RGS6: variants seen among roughly 807,000 people sequenced by gnomAD.
RGS6 encodes the protein regulator of G-protein signaling 6.
Under a neutral mutation model 78.5 loss-of-function variants are expected in RGS6, and 30 were observed. The ratio of observed to expected loss-of-function variants is 0.38; its 90% CI spans 0.29 to 0.52. The LOEUF (loss-of-function observed/expected upper bound fraction) is 0.52, where lower values mean the gene tolerates loss of function less well. Ranked by LOEUF, RGS6 falls within the 20% of genes least tolerant of loss-of-function variation. The pLI is 0.85. For missense variants in RGS6, 495 were observed against 609.7 expected (o/e 0.81, Z 1.98); for synonymous variants, 206 against 206.0 (o/e 1.00, Z 0.00).
the RGS6 span, among the ~76,000 whole-genome samples, chr14:71,874,853 G>A: frequency 6.6e-6 from 1 of 152,262 alleles, no homozygotes; most frequent in African/African-American, 2.4e-5. Context: ...TTAGCATGAA[G>A]GGCTGTTGAA....
chr14:72,246,303 G>A (rs949076499), intron 2 of RGS6, among the ~76,000 whole-genome samples: 2 of 152,210 alleles, frequency 1.3e-5, no homozygotes, highest in African/African-American at 4.8e-5. Flanking sequence ...CGTTTAAAAA[G>A]TAGGTTCAAA....
At chr14:72,583,326 T>G in the RGS6 span, among the ~76,000 whole-genome samples, 1 of 152,236 alleles carries the variant, frequency 6.6e-6, no homozygotes, top group African/African-American at 2.4e-5. Context: ...CTCTCTCATA[T>G]ATCTATATCT....
chr14:72,375,332 T>C (rs2084425180), intron 3 of RGS6, among the ~76,000 whole-genome samples: 2 of 152,182 alleles, frequency 1.3e-5, no homozygotes, highest in African/African-American at 4.8e-5. Context: ...TCTAGCTACA[T>C]TGATGTCAAA....
At chr14:72,322,215 TAAA>T (rs1230798811) in intron 2 of RGS6, among the ~76,000 whole-genome samples, 16 of 151,918 alleles carry the variant, frequency 1.1e-4, no homozygotes, top group Non-Finnish European at 1.9e-4. Context: ...GCTATGATAA[TAAA>T]AGCAGAAAAT....
intron 2 of RGS6, among the ~76,000 whole-genome samples, chr14:72,274,232 G>A (rs765452533): frequency 1.2e-4 from 19 of 152,192 alleles, no homozygotes; most frequent in Non-Finnish European, 2.4e-4. Context: ...CATTGGCTCC[G>A]GAAATAGCTT....
intron 2 of RGS6, among the ~76,000 whole-genome samples, chr14:72,186,617 A>G (rs572282219): frequency 5.3e-5 from 8 of 152,006 alleles, no homozygotes; most frequent in Non-Finnish European, 1.0e-4. Context: ...ACTGGGGACA[A>G]TTTGACCTGA....
At chr14:72,626,917 C>G in the RGS6 span, among the ~76,000 whole-genome samples, 1 of 149,910 alleles carries the variant, frequency 6.7e-6, no homozygotes, top group African/African-American at 2.5e-5. Context: ...TTTGTGAGTG[C>G]ATTTGAACTT....
rs980953759 is a variant in RGS6, at chr14:72,463,828, C to T, written c.395-1930C>T. Among the ~76,000 whole-genome samples, 11 of 152,190 alleles carry T rather than the reference C, an allele frequency of 7.2e-5. 1 individual carries two copies. Among genetic ancestry groups the T allele is most frequent in the Admixed American group, 6.5e-4 (10 of 15,282 alleles). On this transcript the variant is annotated intron_variant, in intron 6 of 17. Coordinates refer to ENST00000553525, the MANE Select transcript of RGS6 (RefSeq NM_001204424.2). The stretch of plus-strand genomic sequence containing the variant: ...GGGGTCCAAGAGACTGAAGGAGGTA[C>T]TTTGTGATAGATCGGACACCCCTTT...
intron 17 of RGS6, chr14:72,541,761 T>G: frequency 2.3e-6 from 2 of 863,386 alleles, no homozygotes; most frequent in Non-Finnish European, 3.5e-6. Context: ...CTCTTGAGGG[T>G]GACCGTGCAG....
At chr14:71,874,943 G>A in the RGS6 span, among the ~76,000 whole-genome samples, 579 of 152,254 alleles carry the variant, frequency 3.8e-3, 7 homozygotes, top group African/African-American at 0.013. Context: ...GATGGATTAC[G>A]TTTACTGATT....
chr14:72,477,940 G>C (rs1368927141), intron 11 of RGS6, among the ~76,000 whole-genome samples: 5 of 152,168 alleles, frequency 3.3e-5, no homozygotes, highest in Admixed American at 1.3e-4. Context: ...TTCAAAACAG[G>C]TATTTATGGG....
intron 2 of RGS6, among the ~76,000 whole-genome samples, chr14:72,182,439 A>G (rs2097186451): frequency 6.7e-6 from 1 of 149,716 alleles, no homozygotes; most frequent in South Asian, 2.1e-4. Flanking sequence ...AAAAAAAGCA[A>G]GCAAGAAAGT....
intron 2 of RGS6, among the ~76,000 whole-genome samples, chr14:72,170,600 G>A (rs1253674948): frequency 6.6e-6 from 1 of 152,128 alleles, no homozygotes; most frequent in Non-Finnish European, 1.5e-5. Flanking sequence ...TTGTCATTTG[G>A]CTATGATTTA....
chr14:72,408,480 C>A (rs949350436), intron 3 of RGS6, among the ~76,000 whole-genome samples: 3 of 152,192 alleles, frequency 2.0e-5, no homozygotes, highest in African/African-American at 7.2e-5. Context: ...CATCACTTGA[C>A]TTTAAATGTT....
At chr14:72,504,554 G>A (rs1332569057) in intron 13 of RGS6, among the ~76,000 whole-genome samples, 1 of 152,088 alleles carries the variant, frequency 6.6e-6, no homozygotes, top group African/African-American at 2.4e-5. Context: ...CATCAGAATG[G>A]CCTTTACCAT....
intron 3 of RGS6, among the ~76,000 whole-genome samples, chr14:72,353,167 A>G (rs1366836238): frequency 2.6e-5 from 4 of 152,374 alleles, no homozygotes; most frequent in South Asian, 2.1e-4. Context: ...AATGCTTACC[A>G]TATGAACCAG....
At chr14:72,604,795 C>A in the RGS6 span, among the ~76,000 whole-genome samples, 1 of 152,062 alleles carries the variant, frequency 6.6e-6, no homozygotes, top group East Asian at 1.9e-4. Context: ...TAGTCCCTGG[C>A]GGGGATGGCA....
At chr14:72,102,228 G>A (rs2095543117) in intron 2 of RGS6, among the ~76,000 whole-genome samples, 1 of 152,152 alleles carries the variant, frequency 6.6e-6, no homozygotes, top group Admixed American at 6.5e-5. Context: ...AGTTGAAAAA[G>A]ATTCTAATTC....
intron 14 of RGS6, among the ~76,000 whole-genome samples, chr14:72,512,483 C>T (rs551744802): frequency 1.3e-5 from 2 of 152,324 alleles, no homozygotes; most frequent in South Asian, 2.1e-4. Context: ...AGCTCCTTTC[C>T]CCATGCCAGG....
Sources: allele counts gnomAD v4.1 joint callset (sites outside exome capture counted in the v4.1 genomes callset), GRCh38; gene constraint gnomAD v4.1.1; transcripts MANE v1.5; gene names NCBI Gene and HGNC (gene_info 2026-07-23, HGNC 2026-07-21).